The following PDE4D variants were observed in gnomAD, a reference collection of about 807,000 sequenced individuals.
PDE4D encodes the protein 3',5'-cyclic-AMP phosphodiesterase 4D.
Under a neutral mutation model 87.4 loss-of-function variants are expected in PDE4D, and 24 were observed. That is an observed-to-expected ratio of 0.27 (90% CI 0.20 to 0.39). The LOEUF is 0.39. PDE4D is among the 10% of genes least tolerant of loss of function. The probability of loss-of-function intolerance (pLI) is 1.00; values close to 1 mark genes in which losing one functional copy is unlikely to be tolerated. For missense variants in PDE4D, 714 were observed against 1,041.0 expected (o/e 0.69, Z 4.32); for synonymous variants, 384 against 383.2 (o/e 1.00, Z -0.02).
chr5:59,126,107 A>AAAAG lies in PDE4D; in HGVS notation c.808+54487_808+54488insCTTT, dbSNP rs369679211. Among the ~76,000 whole-genome samples, 492 of 148,136 alleles carry AAAAG rather than the reference A, an allele frequency of 3.3e-3. 3 individuals carry two copies. The highest frequency in any genetic ancestry group is 0.024 in the South Asian group (114 of 4,668). ...TTAAGTACAATTGTAAAAAAAAAAAAAGAGAGAGAGAGAGAGAGAGAGAAA... is the reference window on the plus strand; with the variant it reads ...TTAAGTACAATTGTAAAAAAAAAAAAAAAGAGAGAGAGAGAGAGAGAGAGAGAAA... On this transcript the variant is annotated intron_variant, in intron 5 of 14. Transcript: ENST00000340635.
At chr5:60,274,828 A>T (rs1340520240) in intron 1 of PDE4D, among the ~76,000 whole-genome samples, 2 of 152,302 alleles carry the variant, frequency 1.3e-5, no homozygotes, top group East Asian at 1.9e-4. Context: ...CACTTGGAAA[A>T]TTTTTTAAAA....
chr5:60,349,316 T>C (rs1583491603), intron 1 of PDE4D, among the ~76,000 whole-genome samples: 1 of 152,146 alleles, frequency 6.6e-6, no homozygotes, highest in East Asian at 1.9e-4. Context: ...CTATTGTTAA[T>C]TAAAATGTTG....
chr5:59,257,071 TG>T (rs1205715530), intron 1 of PDE4D, among the ~76,000 whole-genome samples: 1 of 152,068 alleles, frequency 6.6e-6, no homozygotes, highest in African/African-American at 2.4e-5. Context: ...AATGTTATGA[TG>T]TTGAAATAAT....
intron 1 of PDE4D, among the ~76,000 whole-genome samples, chr5:60,299,195 C>T (rs534008557): frequency 6.6e-6 from 1 of 152,022 alleles, no homozygotes; most frequent in East Asian, 1.9e-4. Flanking sequence ...CTGCTGTGAC[C>T]AACTTGTCAC....
intron 3 of PDE4D, among the ~76,000 whole-genome samples, chr5:59,977,407 A>G (rs1252555596): frequency 1.3e-5 from 2 of 152,186 alleles, no homozygotes; most frequent in Non-Finnish European, 2.9e-5. Flanking sequence ...CTTTAATTCA[A>G]TGAAGTCTGA....
At chr5:59,133,050 A>G (rs1222490038) in intron 5 of PDE4D, among the ~76,000 whole-genome samples, 1 of 152,202 alleles carries the variant, frequency 6.6e-6, no homozygotes, top group African/African-American at 2.4e-5. Flanking sequence ...TATGACTTAG[A>G]GAATTGAAAA....
chr5:59,491,489 C>A lies in PDE4D; in HGVS notation c.456-275521G>T, dbSNP rs114656182. 4.4e-3 allele frequency among the ~76,000 whole-genome samples: 670 copies of A among 152,260 alleles called. 3 individuals are homozygous for A. Among genetic ancestry groups the A allele is most frequent in the African/African-American group, 0.015 (618 of 41,558 alleles). On this transcript the variant is annotated intron_variant, in intron 1 of 14. Coordinates refer to ENST00000340635, the MANE Select transcript of PDE4D (RefSeq NM_001104631.2). ...TGATACAATGCTAATTAAGTAGCTA[C>A]ATCACAGGAAAACCACATAACATTG...
chr5:60,442,071 C>A (rs1351854936), intron 1 of PDE4D, among the ~76,000 whole-genome samples: 1 of 152,002 alleles, frequency 6.6e-6, no homozygotes, highest in Non-Finnish European at 1.5e-5. Flanking sequence ...ACCATTTGAC[C>A]CAGCATTCCT....
intron 1 of PDE4D, among the ~76,000 whole-genome samples, chr5:59,518,990 C>T (rs1204515101): frequency 6.6e-6 from 1 of 152,176 alleles, no homozygotes; most frequent in Non-Finnish European, 1.5e-5. Context: ...GTTTATAAGA[C>T]AAAGCAGGTG....
chr5:60,084,818 A>C (rs1460714113), intron 2 of PDE4D, among the ~76,000 whole-genome samples: 1 of 151,926 alleles, frequency 6.6e-6, no homozygotes, highest in Admixed American at 6.6e-5. Context: ...ACTACTTTGA[A>C]CTCCCCTAGC....
At chr5:59,756,037 T>G (rs1196125001) in intron 1 of PDE4D, among the ~76,000 whole-genome samples, 4 of 151,490 alleles carry the variant, frequency 2.6e-5, no homozygotes, top group African/African-American at 9.7e-5. Flanking sequence ...ATATTTATAT[T>G]AAAATAATAT....
chr5:59,019,703 T>A (rs928583377), intron 6 of PDE4D, among the ~76,000 whole-genome samples: 2 of 152,322 alleles, frequency 1.3e-5, no homozygotes, highest in African/African-American at 4.8e-5. Context: ...AAGATCCAGC[T>A]TAAGGAGCAC....
chr5:60,036,379 T>G (rs13162265), intron 2 of PDE4D, among the ~76,000 whole-genome samples: 77,216 of 152,000 alleles, frequency 0.51, 20,077 homozygotes, highest in East Asian at 0.82. Context: ...GTCCCCTGGT[T>G]TACAATAATT....
At chr5:59,661,567 C>T (rs1745260847) in intron 1 of PDE4D, among the ~76,000 whole-genome samples, 1 of 152,144 alleles carries the variant, frequency 6.6e-6, no homozygotes, top group South Asian at 2.1e-4. Flanking sequence ...AGTCATACTC[C>T]TGAGCTAAAT....
chr5:59,634,072 A>C (rs1054974490), intron 1 of PDE4D, among the ~76,000 whole-genome samples: 1 of 151,704 alleles, frequency 6.6e-6, no homozygotes, highest in Admixed American at 6.6e-5. Flanking sequence ...AGAAAAAAAA[A>C]AGGTGTTGTA....
chr5:59,337,220 C>G (rs911703679), intron 1 of PDE4D, among the ~76,000 whole-genome samples: 1 of 152,070 alleles, frequency 6.6e-6, no homozygotes, highest in Non-Finnish European at 1.5e-5. Context: ...CTTTTGTAAA[C>G]CAAGCTTGCA....
At chr5:59,502,712 AGTTT>A (rs1436996475) in intron 1 of PDE4D, among the ~76,000 whole-genome samples, 1 of 101,010 alleles carries the variant, frequency 9.9e-6, no homozygotes, top group Non-Finnish European at 2.1e-5. Context: ...GTGTGTGTGT[AGTTT>A]GTTTTATCTC....
chr5:59,323,905 A>G (rs2153572840), intron 1 of PDE4D, among the ~76,000 whole-genome samples: 1 of 152,250 alleles, frequency 6.6e-6, no homozygotes, highest in South Asian at 2.1e-4. Context: ...TTTATGATCT[A>G]CAGTTTACCT....
At chr5:60,129,598 G>C (rs181322219) in intron 2 of PDE4D, among the ~76,000 whole-genome samples, 1 of 152,198 alleles carries the variant, frequency 6.6e-6, no homozygotes, top group African/African-American at 2.4e-5. Context: ...ATGAAGCTGG[G>C]CCTGCACTCA....
Sources: allele counts gnomAD v4.1 joint callset (sites outside exome capture counted in the v4.1 genomes callset), GRCh38; gene constraint gnomAD v4.1.1; transcripts MANE v1.5; gene names NCBI Gene and HGNC (gene_info 2026-07-23, HGNC 2026-07-21).